Variants in GPBP1 observed in about 807,000 individuals in gnomAD.
GPBP1 encodes vasculin.
A neutral mutation model predicts 56.5 loss-of-function variants in GPBP1; 13 were observed. That is an observed-to-expected ratio of 0.23 (90% CI 0.15 to 0.37). GPBP1 has a LOEUF of 0.37. Among genes scored for constraint, GPBP1 ranks in the 10% least tolerant of loss-of-function variants. The pLI, the probability that GPBP1 is intolerant of heterozygous loss-of-function variation, is 1.00. For synonymous variants in GPBP1, 204 were observed against 188.9 expected, an observed-to-expected ratio of 1.08 and a Z score of -0.66; for missense variants, 477 against 572.3, an observed-to-expected ratio of 0.83 and a Z score of 1.70.
At chr5:57,207,083 G>T (rs1270524517) in intron 2 of GPBP1, among the ~76,000 whole-genome samples, 1 of 152,164 alleles carries the variant, frequency 6.6e-6, no homozygotes, top group African/African-American at 2.4e-5. Context: ...CAGCCTGGGT[G>T]ATAGAGTGAG....
intron 3 of GPBP1, among the ~76,000 whole-genome samples, chr5:57,221,218 T>C (rs1235609826): frequency 6.6e-6 from 1 of 152,052 alleles, no homozygotes; most frequent in East Asian, 1.9e-4. Context: ...TTGTGACCTG[T>C]AGTGAGAAGG....
In GPBP1 at chr5:57,231,082, C is replaced by T. The variant is rs1756437408; in HGVS notation, c.188-16C>T. 3.7e-6 allele frequency: 6 copies of T among 1,602,134 alleles called. No homozygotes were observed. The highest frequency in any genetic ancestry group is 5.1e-6 in the Non-Finnish European group (6 of 1,172,012). On this transcript the variant is annotated splice_polypyrimidine_tract_variant and intron_variant, in intron 4 of 11. Transcript: ENST00000506184. ...TCTTCTTTGAATTTATATTACTTTGCTATTATCAAATAAAGGTAACTTTGG... is the reference window on the plus strand; with the variant it reads ...TCTTCTTTGAATTTATATTACTTTGTTATTATCAAATAAAGGTAACTTTGG...
intron 2 of GPBP1, among the ~76,000 whole-genome samples, chr5:57,191,889 A>G (rs1442396212): frequency 6.6e-6 from 1 of 152,100 alleles, no homozygotes; most frequent in Non-Finnish European, 1.5e-5. Context: ...GCTTTGAAAT[A>G]TATGAGCAGA....
intron 2 of GPBP1, among the ~76,000 whole-genome samples, chr5:57,193,525 G>C (rs1263869851): frequency 6.8e-6 from 1 of 146,824 alleles, no homozygotes; most frequent in Non-Finnish European, 1.5e-5. Context: ...GAGGTGGGAA[G>C]ATCGCTTGAG....
intron 3 of GPBP1, among the ~76,000 whole-genome samples, chr5:57,227,281 C>G (rs372548743): frequency 3.3e-5 from 5 of 152,152 alleles, no homozygotes; most frequent in African/African-American, 7.2e-5. Flanking sequence ...TGGCCAGGCT[C>G]GTCTCAAACT....
chr5:57,261,345 A>T (rs1741884843), intron 11 of GPBP1, 63 bp downstream of exon 11: 1 of 882,764 alleles, frequency 1.1e-6, no homozygotes, highest in East Asian at 2.5e-5. Context: ...CAATATAATT[A>T]TATGTAAGCA....
In GPBP1 at chr5:57,234,643, G is replaced by A. The variant is rs185112168; in HGVS notation, c.412-1323G>A. ...CACTTGAGCCCTTAAAAGCAGAGAA[G>A]TTTCTCCAGCTAAAGTCAGATGTGC... On this transcript the variant is annotated intron_variant, in intron 5 of 11. Coordinates refer to ENST00000506184, the MANE Select transcript of GPBP1 (RefSeq NM_022913.4). Among the ~76,000 whole-genome samples the A allele has an allele frequency of 1.7e-4, 26 of 152,302 alleles. No individual in the cohort carries two copies. In the East Asian group the frequency reaches 3.7e-3, roughly 21 times the overall value.
At chr5:57,221,552 T>TA (rs1424495654) in intron 3 of GPBP1, among the ~76,000 whole-genome samples, 1 of 152,194 alleles carries the variant, frequency 6.6e-6, no homozygotes, top group Non-Finnish European at 1.5e-5. Context: ...GTTGTGGTAT[T>TA]AAAAGGGTAG....
At position 57,242,801 on chromosome 5, in the gene GPBP1, G is replaced by A. The variant is rs142042947; in HGVS notation, c.479-3499G>A. Among the ~76,000 whole-genome samples, 477 of 152,274 alleles carry A rather than the reference G, an allele frequency of 3.1e-3. 4 individuals carry two copies. Among genetic ancestry groups the A allele is most frequent in the African/African-American group, 0.011 (456 of 41,558 alleles). On this transcript the variant is annotated intron_variant, in intron 6 of 11. Transcript: ENST00000506184. ...GTCTCACACTGTCGCCCTGGCTGGA[G>A]TGCAGTGGTGTGATCTCATCTCACT...
At chr5:57,196,711 G>GC (rs1754782408) in intron 2 of GPBP1, among the ~76,000 whole-genome samples, 1 of 151,100 alleles carries the variant, frequency 6.6e-6, no homozygotes, top group Non-Finnish European at 1.5e-5. Context: ...TCCTGCCTCA[G>GC]CCCCCCAAGT....
In GPBP1 at chr5:57,209,814, ACT is replaced by A. The variant is rs1755397518; in HGVS notation, c.-57-4257_-57-4256del. On this transcript the variant is annotated intron_variant, in intron 2 of 11. Coordinates refer to ENST00000506184, the MANE Select transcript of GPBP1 (RefSeq NM_022913.4). ...TTGATTGATTTTTGTATGTTGAGTC[ACT>A]CTTGCATTCCTGGGAAAATACTACT... is the stretch of plus-strand genomic sequence containing the variant. Among the ~76,000 whole-genome samples, 4 of 151,898 alleles carry A rather than the reference ACT, an allele frequency of 2.6e-5. No individual in the cohort carries two copies. In the South Asian group the frequency reaches 8.3e-4, roughly 31 times the overall value.
In GPBP1 at chr5:57,250,980, C is replaced by T; in HGVS notation, c.999C>T (p.Asn333=). The T allele has an allele frequency of 1.3e-6, 2 of 1,586,044 alleles. No homozygotes were observed. Among genetic ancestry groups the T allele is most frequent in the Non-Finnish European group, 1.7e-6 (2 of 1,166,292 alleles). ...EKDDDSFNLH[N]SNSTHQERDI... is the part of the protein sequence containing the mutation. Reference sequence around the variant, plus strand: ...ATGACGACTCATTTAATTTACATAACAGCAATAGTACTCACCAAGAAAGGG... The same window carrying T: ...ATGACGACTCATTTAATTTACATAATAGCAATAGTACTCACCAAGAAAGGG... Residue 333 remains asparagine (N), a synonymous_variant, in exon 10 of 12, where the codon AAC becomes AAT. Transcript: ENST00000506184.
intron 3 of GPBP1, among the ~76,000 whole-genome samples, chr5:57,225,668 C>T (rs1178958334): frequency 2.0e-5 from 3 of 152,064 alleles, no homozygotes. Context: ...AACACATTAC[C>T]CCAGGAGGTG....
intron 3 of GPBP1, among the ~76,000 whole-genome samples, chr5:57,226,700 C>A (rs563081445): frequency 7.0e-6 from 1 of 143,462 alleles, no homozygotes; most frequent in African/African-American, 2.6e-5. Flanking sequence ...TACAGGTGTG[C>A]GCCACCAAGC....
chr5:57,240,095 T>A (rs552814356), intron 6 of GPBP1, among the ~76,000 whole-genome samples: 1 of 151,776 alleles, frequency 6.6e-6, no homozygotes, highest in East Asian at 1.9e-4. Flanking sequence ...AAATAAAAAA[T>A]AAAAAATTAA....
Position 57,230,838 on chromosome 5 carries a change from T to G in GPBP1, c.64-8T>G. On this transcript the variant is annotated splice_region_variant and splice_polypyrimidine_tract_variant and intron_variant, in intron 3 of 11. Transcript: ENST00000506184. Reference sequence around the variant, plus strand: ...CATAAATACCTGTATTTTTATAATTTGTTTCAGTCGTCATTGAATTTTGAG... The same window carrying G: ...CATAAATACCTGTATTTTTATAATTGGTTTCAGTCGTCATTGAATTTTGAG... 3.1e-6 allele frequency: 5 copies of G among 1,597,554 alleles called. No homozygotes were observed. Among genetic ancestry groups the G allele is most frequent in the Non-Finnish European group, 4.3e-6 (5 of 1,172,344 alleles).
At chr5:57,225,320 C>G (rs1756131700) in intron 3 of GPBP1, among the ~76,000 whole-genome samples, 1 of 146,386 alleles carries the variant, frequency 6.8e-6, no homozygotes, top group Non-Finnish European at 1.5e-5. Context: ...TGGTGAAACC[C>G]CGTCTCTACT....
chr5:57,184,766 T>C lies in GPBP1; in HGVS notation c.-58+8366T>C, dbSNP rs1754211781. Among the ~76,000 whole-genome samples, 3 of 152,204 alleles carry C rather than the reference T, an allele frequency of 2.0e-5. No homozygotes were observed. In the South Asian group the frequency reaches 6.2e-4, roughly 32 times the overall value. ...TTTTCATCACCCCAAAAAGTTACCT[T>C]GTGTCCTCACCCATCATCGTCAGTC... On this transcript the variant is annotated intron_variant, in intron 2 of 11. Coordinates refer to ENST00000506184, the MANE Select transcript of GPBP1 (RefSeq NM_022913.4).
At chr5:57,218,124 A>G (rs1339490790) in intron 3 of GPBP1, among the ~76,000 whole-genome samples, 1 of 152,190 alleles carries the variant, frequency 6.6e-6, no homozygotes, top group Non-Finnish European at 1.5e-5. Context: ...GAACACTTCT[A>G]TAACCACATA....
Sources: gnomAD v4.1 joint callset for allele counts (sites outside exome capture counted in the v4.1 genomes callset) on GRCh38, gnomAD v4.1.1 for gene constraint, MANE v1.5 for transcripts, NCBI Gene and HGNC (gene_info 2026-07-23, HGNC 2026-07-21) for gene names.